The following TMEM131L variants were observed in gnomAD, a reference collection of about 807,000 sequenced individuals.
TMEM131L encodes the protein transmembrane protein 131-like.
TMEM131L carries 54 observed loss-of-function variants against 192.2 expected under a neutral mutation model. The observed-to-expected ratio is 0.28, with a 90% CI of 0.23 to 0.35. TMEM131L has a LOEUF of 0.35. Ranked by LOEUF, TMEM131L falls within the 10% of genes least tolerant of loss-of-function variation. TMEM131L has a pLI of 1.00. For synonymous variants in TMEM131L, 701 were observed against 704.9 expected (o/e 0.99, Z 0.09); for missense variants, 1,888 against 1,972.9 (o/e 0.96, Z 0.82).
At chr4:153,476,862 A>G (rs554611738) in intron 3 of TMEM131L, among the ~76,000 whole-genome samples, 27 of 152,338 alleles carry the variant, frequency 1.8e-4, no homozygotes, top group African/African-American at 6.5e-4. Flanking sequence ...TTTAGATTCC[A>G]TTGAATTTAT....
intron 7 of TMEM131L, among the ~76,000 whole-genome samples, chr4:153,563,782 G>A (rs1228985969): frequency 6.6e-6 from 1 of 151,924 alleles, no homozygotes; most frequent in East Asian, 1.9e-4. Context: ...GTGTGATTTT[G>A]TGTGCAGCGT....
intron 2 of TMEM131L, among the ~76,000 whole-genome samples, chr4:153,467,501 C>T (rs1196035463): frequency 1.3e-5 from 2 of 152,256 alleles, no homozygotes; most frequent in Admixed American, 1.3e-4. Context: ...GCCCCAAGTT[C>T]AGAAGGTGGG....
intron 3 of TMEM131L, among the ~76,000 whole-genome samples, chr4:153,479,310 A>G (rs1252576002): frequency 1.3e-5 from 2 of 152,246 alleles, no homozygotes; most frequent in Non-Finnish European, 2.9e-5. Context: ...GCAATATTTG[A>G]GAAATGTTCT....
At chr4:153,560,351 G>A (rs1306155424) in intron 7 of TMEM131L, among the ~76,000 whole-genome samples, 2 of 152,208 alleles carry the variant, frequency 1.3e-5, no homozygotes, top group East Asian at 3.9e-4. Flanking sequence ...CCACGTCTCT[G>A]TCTCTCCCTG....
chr4:153,582,420 G>GTTTTTTTTTTTTTTTTTT lies in TMEM131L; in HGVS notation c.893-761_893-760insTTTTTTTTTTTTTTTTTT, dbSNP rs1216119441. 9.8e-5 allele frequency among the ~76,000 whole-genome samples: 8 copies of GTTTTTTTTTTTTTTTTTT among 81,834 alleles called. 1 individual carries two copies. Among genetic ancestry groups the GTTTTTTTTTTTTTTTTTT allele is most frequent in the South Asian group, 4.0e-4 (1 of 2,486 alleles). The allele number at this position is 81,834 out of a possible 152,430, so 53.7% of individuals were successfully genotyped here. A position where few individuals can be genotyped will look rare whatever the true frequency, so the allele number is the denominator to read the frequency against. ...CCACTATGCCTGGCTAATTTAAACC[G>GTTTTTTTTTTTTTTTTTT]TTTTTTTTTGTTGTTTTTTTTTTTT... On this transcript the variant is annotated intron_variant, in intron 9 of 34. Coordinates refer to ENST00000409959, the MANE Select transcript of TMEM131L (RefSeq NM_001131007.2).
chr4:153,503,241 T>G (rs530313025), intron 3 of TMEM131L, among the ~76,000 whole-genome samples: 26 of 152,356 alleles, frequency 1.7e-4, no homozygotes, highest in South Asian at 6.2e-4. Flanking sequence ...ATTCACTTTT[T>G]CCTTTATTCA....
rs1038256479 is a variant in TMEM131L at position 153,582,433 on chromosome 4, G to GTTTTTTTTTTTTTTT, written c.893-745_893-731dup. Among the ~76,000 whole-genome samples, 8 of 40,326 alleles carry GTTTTTTTTTTTTTTT rather than the reference G, an allele frequency of 2.0e-4. 1 individual carries two copies. Among genetic ancestry groups the GTTTTTTTTTTTTTTT allele is most frequent in the African/African-American group, 2.8e-4 (2 of 7,134 alleles). The allele number at this position is 40,326 out of a possible 152,430, so 26.5% of individuals were successfully genotyped here. A position where few individuals can be genotyped will look rare whatever the true frequency, so the allele number is the denominator to read the frequency against. On this transcript the variant is annotated intron_variant, in intron 9 of 34. Transcript: ENST00000409959. ...CTAATTTAAACCGTTTTTTTTTGTT[G>GTTTTTTTTTTTTTTT]TTTTTTTTTTTTTTTTTTTTTTTTT...
At chr4:153,518,189 C>T (rs1314361852) in intron 3 of TMEM131L, among the ~76,000 whole-genome samples, 2 of 152,166 alleles carry the variant, frequency 1.3e-5, no homozygotes, top group African/African-American at 4.8e-5. Flanking sequence ...CAGGTGCTTG[C>T]GTTCTCACAC....
At chr4:153,620,931 A>G (rs1228452701) in intron 27 of TMEM131L, 51 bp downstream of exon 27, 1 of 1,462,320 alleles carries the variant, frequency 6.8e-7, no homozygotes, top group South Asian at 1.3e-5. Flanking sequence ...TCACTTTATA[A>G]TTTTGCATTT....
intron 3 of TMEM131L, among the ~76,000 whole-genome samples, chr4:153,544,125 G>A (rs1367397951): frequency 1.3e-5 from 2 of 152,162 alleles, no homozygotes; most frequent in Non-Finnish European, 2.9e-5. Context: ...GTCCTTTCAG[G>A]TGTTGGAAGA....
chr4:153,601,265 C>T (rs890112978), intron 21 of TMEM131L, among the ~76,000 whole-genome samples: 3 of 152,198 alleles, frequency 2.0e-5, no homozygotes, highest in Admixed American at 2.0e-4. Flanking sequence ...GTCGCCATAG[C>T]TCATGCCTGT....
At chr4:153,516,489 C>A (rs1463177270) in intron 3 of TMEM131L, among the ~76,000 whole-genome samples, 1 of 152,172 alleles carries the variant, frequency 6.6e-6, no homozygotes, top group Non-Finnish European at 1.5e-5. Flanking sequence ...CTCAGCCTCC[C>A]AAAGTGCTGG....
chr4:153,594,532 T>C (rs1731293097), intron 19 of TMEM131L, among the ~76,000 whole-genome samples: 1 of 152,250 alleles, frequency 6.6e-6, no homozygotes, highest in Admixed American at 6.5e-5. Context: ...AATTCAAAAG[T>C]GGAGCATCTG....
chr4:153,512,355 CTG>C, intron 3 of TMEM131L, among the ~76,000 whole-genome samples: 1 of 152,264 alleles, frequency 6.6e-6, no homozygotes, highest in Non-Finnish European at 1.5e-5. Context: ...ATGTGAAGAA[CTG>C]TGGGCAAAGG....
At chr4:153,527,210 G>A (rs938246464) in intron 3 of TMEM131L, among the ~76,000 whole-genome samples, 2 of 152,078 alleles carry the variant, frequency 1.3e-5, no homozygotes, top group African/African-American at 4.8e-5. Context: ...TTGCAAGGGG[G>A]AGGTGAAAGT....
At chr4:153,619,911 C>T (rs1162179997) in intron 26 of TMEM131L, among the ~76,000 whole-genome samples, 2 of 152,154 alleles carry the variant, frequency 1.3e-5, no homozygotes, top group African/African-American at 2.4e-5. Context: ...TTATCTTCCT[C>T]CTGAAAGGAC....
chr4:153,573,795 A>G (rs1729752159), intron 7 of TMEM131L, among the ~76,000 whole-genome samples: 1 of 152,208 alleles, frequency 6.6e-6, no homozygotes, highest in African/African-American at 2.4e-5. Flanking sequence ...GGGAAAAAAA[A>G]TCTCTTAGAA....
rs1378130150 is a variant in TMEM131L, at chr4:153,592,462, T to C, written c.1813-13T>C. On this transcript the variant is annotated splice_polypyrimidine_tract_variant and intron_variant, in intron 17 of 34. Coordinates refer to ENST00000409959, the MANE Select transcript of TMEM131L (RefSeq NM_001131007.2). Reference sequence around the variant, plus strand: ...CCCTCTCGGGGTTTTAACTTTTCTTTCCTCACACCTAGATCAAGTACTTTG... The same window carrying C: ...CCCTCTCGGGGTTTTAACTTTTCTTCCCTCACACCTAGATCAAGTACTTTG... The C allele has an allele frequency of 5.0e-6, 8 of 1,601,750 alleles. No homozygotes were observed. The highest frequency in any genetic ancestry group is 6.8e-6 in the Non-Finnish European group (8 of 1,168,920).
At position 153,632,728 on chromosome 4, in the gene TMEM131L, A is replaced by T; in HGVS notation, c.4218A>T (p.Ser1406=). The T allele has an allele frequency of 6.2e-7, 1 of 1,614,034 alleles. No homozygotes were observed. The highest frequency in any genetic ancestry group is 8.5e-7 in the Non-Finnish European group (1 of 1,179,994). ...TGVEEDKGLY[S]PGDLWPTPPV... ...TGTTCTCTTCCGTAGGTCTTTACTCACCTGGAGACCTGTGGCCCACTCCGC... is the reference window on the plus strand; with the variant it reads ...TGTTCTCTTCCGTAGGTCTTTACTCTCCTGGAGACCTGTGGCCCACTCCGC... Residue 1406 remains serine (S), a synonymous_variant, in exon 32 of 35, where the codon TCA becomes TCT. Transcript: ENST00000409959.
Sources: allele counts gnomAD v4.1 joint callset (sites outside exome capture counted in the v4.1 genomes callset), GRCh38; gene constraint gnomAD v4.1.1; transcripts MANE v1.5; gene names NCBI Gene and HGNC (gene_info 2026-07-23, HGNC 2026-07-21).